The following PPP2R5C variants were observed in gnomAD, a reference collection of about 807,000 sequenced individuals.
PPP2R5C encodes serine/threonine-protein phosphatase 2A 56 kDa regulatory subunit gamma isoform.
In PPP2R5C, 7 loss-of-function variants were observed where a neutral mutation model predicts 68.9. That is an observed-to-expected ratio of 0.10 (90% CI 0.06 to 0.19). The LOEUF is 0.19. PPP2R5C is among the 10% of genes least tolerant of loss of function. The pLI is 1.00. For synonymous variants in PPP2R5C, 210 were observed against 222.2 expected (o/e 0.95, Z 0.49); for missense variants, 348 against 641.3 (o/e 0.54, Z 4.94).
At chr14:101,905,629 C>G (rs1339979479) in intron 9 of PPP2R5C, among the ~76,000 whole-genome samples, 1 of 152,018 alleles carries the variant, frequency 6.6e-6, no homozygotes, top group Non-Finnish European at 1.5e-5. Flanking sequence ...TGCACTCCAG[C>G]CTGGGCAACA....
At chr14:101,794,188 T>G (rs780076844) in intron 3 of PPP2R5C, among the ~76,000 whole-genome samples, 120 of 152,214 alleles carry the variant, frequency 7.9e-4, no homozygotes, top group Admixed American at 1.8e-3. Flanking sequence ...GCCCAGAACT[T>G]CCCTGCTTCC....
chr14:101,854,479 G>A (rs940551145), intron 1 of PPP2R5C, among the ~76,000 whole-genome samples: 3 of 152,332 alleles, frequency 2.0e-5, no homozygotes, highest in Admixed American at 2.0e-4. Flanking sequence ...ACAAGTGCCA[G>A]ATGACTTGCT....
chr14:101,896,563 A>G (rs1044744609), intron 8 of PPP2R5C, among the ~76,000 whole-genome samples: 3 of 149,236 alleles, frequency 2.0e-5, no homozygotes, highest in African/African-American at 7.4e-5. Context: ...GCAAAATCCC[A>G]TCTCTACAAA....
In PPP2R5C at chr14:101,825,420, G is replaced by A. The variant is rs1178737978; in HGVS notation, c.94+15384G>A. Reference sequence around the variant, plus strand: ...ACAGTTTTGAAAGGCCAAGATCATGGGTTTAAGATTTGAGACTTGGCCAAA... The same window carrying A: ...ACAGTTTTGAAAGGCCAAGATCATGAGTTTAAGATTTGAGACTTGGCCAAA... On this transcript the variant is annotated intron_variant, in intron 1 of 13. Coordinates refer to ENST00000334743, the Ensembl canonical transcript of PPP2R5C. This position sits in a 1 kb window ranked among gnomAD's most constrained non-coding sequence, Gnocchi z 4.0. Among the ~76,000 whole-genome samples, 1 of 152,132 alleles carries A rather than the reference G, an allele frequency of 6.6e-6. No homozygotes were observed. Among genetic ancestry groups the A allele is most frequent in the Non-Finnish European group, 1.5e-5 (1 of 68,006 alleles).
intron 2 of PPP2R5C, among the ~76,000 whole-genome samples, chr14:101,873,731 C>T (rs1305772285): frequency 6.6e-6 from 1 of 152,148 alleles, no homozygotes; most frequent in Non-Finnish European, 1.5e-5. Flanking sequence ...CAGCTGTCTC[C>T]CCTGTGGAAC....
rs139269325 is a variant in PPP2R5C at position 101,824,367 on chromosome 14, G to T, written c.94+14331G>T. The T allele has an allele frequency of 2.2e-5, 7 of 325,302 alleles. No homozygotes were observed. In the East Asian group the frequency reaches 4.1e-4, roughly 19 times the overall value. 20.2% of individuals were successfully genotyped at this position (325,302 alleles called of 1,614,324 possible). A position where few individuals can be genotyped will look rare whatever the true frequency, so the allele number is the denominator to read the frequency against. On this transcript the variant is annotated intron_variant, in intron 1 of 13. Coordinates refer to ENST00000334743, the Ensembl canonical transcript of PPP2R5C. The stretch of plus-strand genomic sequence containing the variant: ...CGGGGAAACAGTAGGAAAGCATCAA[G>T]AAATATTTCTTGATGTGTACAATTG...
At chr14:101,767,025 C>T (rs2036893325) in intron 2 of PPP2R5C, 1 of 152,138 alleles carries the variant, frequency 6.6e-6, no homozygotes, top group African/African-American at 2.4e-5. Flanking sequence ...CATTAAAGGT[C>T]GTTTGAGTAT....
intron 9 of PPP2R5C, among the ~76,000 whole-genome samples, chr14:101,902,682 G>C (rs1197011194): frequency 6.6e-6 from 1 of 152,222 alleles, no homozygotes; most frequent in Admixed American, 6.5e-5. Flanking sequence ...TGTGCAGCAG[G>C]CTCTCAGAAA....
At chr14:101,823,256 G>A (rs1270005932) in intron 1 of PPP2R5C, among the ~76,000 whole-genome samples, 2 of 152,198 alleles carry the variant, frequency 1.3e-5, no homozygotes, top group East Asian at 3.8e-4. Flanking sequence ...CGCTGCCGAT[G>A]TAAATATTTA....
At chr14:101,769,251 G>A (rs903493289) in intron 2 of PPP2R5C, among the ~76,000 whole-genome samples, 2 of 152,196 alleles carry the variant, frequency 1.3e-5, no homozygotes, top group Non-Finnish European at 2.9e-5. Flanking sequence ...CTAGACCAGC[G>A]GCTGGCTGTA....
intron 2 of PPP2R5C, among the ~76,000 whole-genome samples, chr14:101,868,559 T>C (rs541195311): frequency 6.6e-6 from 1 of 152,348 alleles, no homozygotes; most frequent in Non-Finnish European, 1.5e-5. Flanking sequence ...TTCACAGATA[T>C]ATGCATATGT....
At chr14:101,921,839 A>G (rs2047020859) in intron 13 of PPP2R5C, 1 of 418,982 alleles carries the variant, frequency 2.4e-6, no homozygotes, top group South Asian at 1.0e-4. Flanking sequence ...AAATTCAACC[A>G]TGTATCTACC....
chr14:101,818,804 T>G, intron 1 of PPP2R5C: 3 of 529,916 alleles, frequency 5.7e-6, no homozygotes, highest in Admixed American at 3.1e-5. Context: ...TAAATGTTGA[T>G]ATTTTGGTGT....
chr14:101,768,535 G>A (rs75302222), intron 2 of PPP2R5C, among the ~76,000 whole-genome samples: 1,569 of 152,042 alleles, frequency 0.01, 31 homozygotes, highest in African/African-American at 0.036. Flanking sequence ...TTAATTTGCT[G>A]AGAAAAGTGG....
rs1595485107 is a variant in PPP2R5C at position 101,891,339 on chromosome 14, GA to G, written c.689+1047del. 6.6e-6 allele frequency among the ~76,000 whole-genome samples: 1 copy of G among 152,190 alleles called. No homozygotes were observed. The highest frequency in any genetic ancestry group is 6.5e-5 in the Admixed American group (1 of 15,282). On this transcript the variant is annotated intron_variant, in intron 6 of 13. Coordinates refer to ENST00000334743, the Ensembl canonical transcript of PPP2R5C. The surrounding 1 kb of genome is among the most constrained non-coding windows in gnomAD (Gnocchi z 4.9). The stretch of plus-strand genomic sequence containing the variant: ...ATCAGGTCCTGCCCAGTAGTTCTGA[GA>G]AAAGCTATTCTTGCCACTTTAGATG...
intron 7 of PPP2R5C, 71 bp downstream of exon 9, chr14:101,893,179 C>T: frequency 9.4e-7 from 1 of 1,061,908 alleles, no homozygotes; most frequent in South Asian, 1.4e-5. Context: ...GATAGTGAAT[C>T]CGGCCTTGAC....
At chr14:101,803,593 G>A (rs1428050657) in intron 3 of PPP2R5C, among the ~76,000 whole-genome samples, 3 of 151,854 alleles carry the variant, frequency 2.0e-5, no homozygotes, top group African/African-American at 7.3e-5. Flanking sequence ...GCGTGGTGGC[G>A]GGCACCTGTA....
At chr14:101,910,812 A>G (rs998155081) in intron 11 of PPP2R5C, among the ~76,000 whole-genome samples, 26 of 146,064 alleles carry the variant, frequency 1.8e-4, no homozygotes, top group African/African-American at 6.6e-4. Flanking sequence ...CTAAAAATAC[A>G]AAAAAAAAGG....
intron 5 of PPP2R5C, among the ~76,000 whole-genome samples, chr14:101,886,197 C>T (rs916891831): frequency 5.3e-5 from 8 of 151,354 alleles, no homozygotes; most frequent in African/African-American, 9.7e-5. Context: ...GGGAGAATGG[C>T]GTGAACCCGG....
Sources: allele counts gnomAD v4.1 joint callset (sites outside exome capture counted in the v4.1 genomes callset), GRCh38; gene constraint gnomAD v4.1.1; non-coding constraint Gnocchi (gnomAD v3.1); transcripts MANE v1.5; gene names NCBI Gene and HGNC (gene_info 2026-07-23, HGNC 2026-07-21).